The following GPD2 variants were observed in gnomAD, a reference collection of about 807,000 sequenced individuals.
The protein encoded by GPD2 is glycerol-3-phosphate dehydrogenase 2, also known as glycerol-3-phosphate dehydrogenase, mitochondrial.
GPD2 carries 54 observed loss-of-function variants against 82.4 expected under a neutral mutation model. The observed-to-expected ratio is 0.66, with a 90% CI of 0.53 to 0.82. The LOEUF is 0.82. Among genes scored for constraint, GPD2 ranks in the 40% least tolerant of loss-of-function variants. The pLI is 0.00. For missense variants in GPD2, 748 were observed against 896.2 expected, an observed-to-expected ratio of 0.83 and a Z score of 2.11; for synonymous variants, 288 against 306.1, an observed-to-expected ratio of 0.94 and a Z score of 0.62.
rs1684375212 is a variant in GPD2, at chr2:156,496,275, A to T, written c.274+60A>T. 76 of 1,200,646 alleles carry T rather than the reference A, an allele frequency of 6.3e-5. 1 individual carries two copies. The South Asian group carries it at 9.7e-4, about 15-fold the overall frequency. The allele number at this position is 1,200,646 out of a possible 1,614,324, so 74.4% of individuals were successfully genotyped here. On this transcript the variant is annotated intron_variant, in intron 3 of 16. Transcript: ENST00000438166. ...TCTGGGGTACATGTGCAGGATGTGC[A>T]GGTTTGTTACATAGGTAAGTGTGTG...
At chr2:156,472,617 C>A (rs298264) in intron 1 of GPD2, among the ~76,000 whole-genome samples, 48,636 of 151,992 alleles carry the variant, frequency 0.32, 9,223 homozygotes, top group Non-Finnish European at 0.44. Flanking sequence ...CCACCGTGCC[C>A]GGCCCTAAAA....
chr2:156,556,084 T>A (rs889128976), intron 8 of GPD2, among the ~76,000 whole-genome samples: 1 of 152,168 alleles, frequency 6.6e-6, no homozygotes. Flanking sequence ...ATTATCATTA[T>A]TTTTTACACA....
chr2:156,555,604 T>C (rs1291502071), intron 8 of GPD2, among the ~76,000 whole-genome samples: 1 of 152,158 alleles, frequency 6.6e-6, no homozygotes, highest in Non-Finnish European at 1.5e-5. Context: ...TCAAAGTGAC[T>C]GATGTAATCT....
At chr2:156,421,783 C>A in the GPD2 span, among the ~76,000 whole-genome samples, 1 of 152,180 alleles carries the variant, frequency 6.6e-6, no homozygotes, top group Non-Finnish European at 1.5e-5. Context: ...CTTCAATACC[C>A]AGCTCTGGTA....
At chr2:156,446,423 A>G (rs995220726) in intron 1 of GPD2, among the ~76,000 whole-genome samples, 2 of 152,060 alleles carry the variant, frequency 1.3e-5, no homozygotes, top group African/African-American at 4.8e-5. Context: ...AAATGAATGC[A>G]TTAGTTCTGT....
At chr2:156,440,880 TC>T (rs1279943930) in intron 1 of GPD2, among the ~76,000 whole-genome samples, 7 of 152,226 alleles carry the variant, frequency 4.6e-5, no homozygotes, top group African/African-American at 1.7e-4. Flanking sequence ...AGTGTCTTTT[TC>T]TACACTGCTG....
At chr2:156,491,522 C>T (rs76283457) in intron 2 of GPD2, among the ~76,000 whole-genome samples, 83 of 152,248 alleles carry the variant, frequency 5.5e-4, no homozygotes, top group African/African-American at 2.0e-3. Flanking sequence ...CTTTTATTTC[C>T]GTTTATTATT....
intron 3 of GPD2, among the ~76,000 whole-genome samples, chr2:156,496,682 G>A (rs113591308): frequency 1.4e-5 from 1 of 71,936 alleles, no homozygotes; most frequent in African/African-American, 3.2e-5. Flanking sequence ...TATTTTATGA[G>A]TTTATATTTT....
chr2:156,571,052 T>G, intron 12 of GPD2, 82 bp from the exon 13 acceptor site: 5 of 934,552 alleles, frequency 5.4e-6, no homozygotes, highest in Non-Finnish European at 8.8e-6. Flanking sequence ...GAAGCACACA[T>G]TTATTTTTTT....
chr2:156,520,564 T>G (rs1163351481), intron 6 of GPD2, among the ~76,000 whole-genome samples: 1 of 3,170 alleles, frequency 3.2e-4, no homozygotes, highest in African/African-American at 1.1e-3. Flanking sequence ...TTTATTGTTA[T>G]TTATTTATTT....
intron 6 of GPD2, among the ~76,000 whole-genome samples, chr2:156,528,462 A>C (rs1445128948): frequency 1.3e-5 from 2 of 148,758 alleles, no homozygotes; most frequent in Non-Finnish European, 3.0e-5. Context: ...TTATACTTTA[A>C]GTTTTAGGGT....
chr2:156,451,472 AC>A (rs1268445683), intron 1 of GPD2, among the ~76,000 whole-genome samples: 1 of 27,186 alleles, frequency 3.7e-5, no homozygotes, highest in Non-Finnish European at 7.0e-5. Context: ...CGGGGGGCTG[AC>A]CCCCCCACCT....
the GPD2 span, among the ~76,000 whole-genome samples, chr2:156,401,220 A>G: frequency 2.3e-4 from 35 of 152,352 alleles, no homozygotes; most frequent in South Asian, 1.9e-3. Flanking sequence ...ACCAATGCTT[A>G]TAGCAAATGT....
intron 13 of GPD2, among the ~76,000 whole-genome samples, chr2:156,572,114 T>G (rs1183741699): frequency 6.6e-6 from 1 of 152,106 alleles, no homozygotes; most frequent in Non-Finnish European, 1.5e-5. Context: ...TGAACAATAT[T>G]TTGCTTTCTG....
intron 1 of GPD2, among the ~76,000 whole-genome samples, chr2:156,448,119 CTTT>C (rs34771172): frequency 6.9e-6 from 1 of 145,964 alleles, no homozygotes. Flanking sequence ...GCAATTTTCC[CTTT>C]TTTTTTTTTT....
chr2:156,497,710 G>A (rs1296602437), intron 3 of GPD2, among the ~76,000 whole-genome samples: 2 of 152,058 alleles, frequency 1.3e-5, no homozygotes, highest in Non-Finnish European at 2.9e-5. Flanking sequence ...TCAGGTTTTG[G>A]TCCATGCAGA....
In GPD2 at chr2:156,578,905, C is replaced by G. The variant is rs781425374; in HGVS notation, c.1784C>G (p.Ala595Gly). ...DYKKQEQLET[A>G]RKFLYYEMGY... ...CTGTTTTAGGAACAACTTGAAACAG[C>G]CAGGAAGTTTCTATATTATGAAATG... The change falls in exon 14 of 17, where the codon GCC (alanine) becomes GGC (glycine). Residue 595 changes from alanine (A) to glycine (G), a missense_variant. Around this residue, in one of 3 missense-constraint regions of GPD2, gnomAD observed 692 missense variants for 809.7 expected, o/e 0.85. Transcript: ENST00000438166. 1.3e-6 allele frequency: 2 copies of G among 1,599,228 alleles called. No individual in the cohort carries two copies. Among genetic ancestry groups the G allele is most frequent in the South Asian group, 2.2e-5 (2 of 90,778 alleles).
Position 156,583,398 on chromosome 2 carries a change from C to T in GPD2, c.*480C>T, listed in dbSNP as rs910288467. 2 of 177,812 alleles carry T rather than the reference C, an allele frequency of 1.1e-5. No individual in the cohort carries two copies. The highest frequency in any genetic ancestry group is 2.4e-5 in the African/African-American group (1 of 41,758). The allele number at this position is 177,812 out of a possible 1,614,324, so 11.0% of individuals were successfully genotyped here. A position where few individuals can be genotyped will look rare whatever the true frequency, so the allele number is the denominator to read the frequency against. On this transcript the variant is annotated 3_prime_UTR_variant, in exon 17 of 17. Transcript: ENST00000438166. ...CAGCATGTGTTATTAAAAAGAGTTACCTATTGAAATGATAGTGTTTCTGGA... is the reference window on the plus strand; with the variant it reads ...CAGCATGTGTTATTAAAAAGAGTTATCTATTGAAATGATAGTGTTTCTGGA...
intron 9 of GPD2, among the ~76,000 whole-genome samples, chr2:156,567,422 C>T (rs569913911): frequency 6.6e-6 from 1 of 152,076 alleles, no homozygotes; most frequent in African/African-American, 2.4e-5. Flanking sequence ...ATGTGGAGAT[C>T]CAGTTTTCCC....
Sources: allele counts gnomAD v4.1 joint callset (sites outside exome capture counted in the v4.1 genomes callset), GRCh38; gene constraint gnomAD v4.1.1; regional missense constraint gnomAD v4.1.1; transcripts MANE v1.5; gene names NCBI Gene and HGNC (gene_info 2026-07-23, HGNC 2026-07-21).